Variants in MLLT3 observed in about 807,000 individuals in gnomAD.
MLLT3 encodes MLLT3 super elongation complex subunit.
A neutral mutation model predicts 53.2 loss-of-function variants in MLLT3; 4 were observed. The observed-to-expected ratio is 0.08, with a 90% CI of 0.04 to 0.17. MLLT3 has a LOEUF of 0.17. Among genes scored for constraint, MLLT3 ranks in the 10% least tolerant of loss-of-function variants. The pLI, the probability that MLLT3 is intolerant of heterozygous loss-of-function variation, is 1.00. For synonymous variants in MLLT3, 283 were observed against 230.6 expected, an observed-to-expected ratio of 1.23 and a Z score of -2.06; for missense variants, 569 against 684.0, an observed-to-expected ratio of 0.83 and a Z score of 1.87.
Position 20,448,877 on chromosome 9 carries a change from G to C in MLLT3, c.277-611C>G, listed in dbSNP as rs1176391851. ...TAAGGGCCTTCATAATCTGGCTCTT[G>C]GCTTCATATTCCACCATTCCCCTTC... On this transcript the variant is annotated intron_variant, in intron 3 of 10. Coordinates refer to ENST00000380338, the MANE Select transcript of MLLT3 (RefSeq NM_004529.4). The surrounding 1 kb of genome is among the most constrained non-coding windows in gnomAD (Gnocchi z 4.0). 6.6e-6 allele frequency among the ~76,000 whole-genome samples: 1 copy of C among 152,046 alleles called. No homozygotes were observed. Among genetic ancestry groups the C allele is most frequent in the African/African-American group, 2.4e-5 (1 of 41,382 alleles).
At chr9:20,444,711 A>C (rs1292848747) in intron 4 of MLLT3, among the ~76,000 whole-genome samples, 1 of 152,012 alleles carries the variant, frequency 6.6e-6, no homozygotes, top group African/African-American at 2.4e-5. Flanking sequence ...GTCTCTACAA[A>C]AAATACAAAA....
At chr9:20,380,733 C>T (rs1821889450) in intron 5 of MLLT3, among the ~76,000 whole-genome samples, 1 of 152,006 alleles carries the variant, frequency 6.6e-6, no homozygotes, top group African/African-American at 2.4e-5. Flanking sequence ...TTAATTTCAT[C>T]TGACTTAAAC....
At chr9:20,573,822 A>C (rs1819590197) in intron 2 of MLLT3, among the ~76,000 whole-genome samples, 1 of 152,224 alleles carries the variant, frequency 6.6e-6, no homozygotes, top group Non-Finnish European at 1.5e-5. Flanking sequence ...TATTGCATTT[A>C]ATCCTCATCA....
intron 2 of MLLT3, among the ~76,000 whole-genome samples, chr9:20,509,096 G>C (rs1454170554): frequency 6.6e-6 from 1 of 152,136 alleles, no homozygotes; most frequent in Non-Finnish European, 1.5e-5. Flanking sequence ...TATTGCATAT[G>C]ATGTATGTAC....
intron 4 of MLLT3, among the ~76,000 whole-genome samples, chr9:20,417,216 G>C (rs1312732795): frequency 2.2e-5 from 3 of 133,752 alleles, no homozygotes; most frequent in Admixed American, 7.9e-5. Flanking sequence ...TATATATGGG[G>C]GTCTTGTCAC....
At chr9:20,470,056 AG>A (rs1824342550) in intron 2 of MLLT3, among the ~76,000 whole-genome samples, 1 of 152,044 alleles carries the variant, frequency 6.6e-6, no homozygotes, top group South Asian at 2.1e-4. Flanking sequence ...AATTTTATGA[AG>A]AAAAAAACAG....
At chr9:20,451,937 A>G (rs148792958) in intron 3 of MLLT3, among the ~76,000 whole-genome samples, 1 of 152,298 alleles carries the variant, frequency 6.6e-6, no homozygotes, top group Non-Finnish European at 1.5e-5. Flanking sequence ...ACAAAATAAG[A>G]CAGCATTAAC....
intron 2 of MLLT3, among the ~76,000 whole-genome samples, chr9:20,511,617 T>C (rs966463716): frequency 7.2e-5 from 11 of 152,230 alleles, no homozygotes; most frequent in African/African-American, 2.7e-4. Context: ...CAGGATTTCA[T>C]GGCCTATGAC....
chr9:20,369,806 G>T (rs1240508021), intron 5 of MLLT3, among the ~76,000 whole-genome samples: 1 of 152,112 alleles, frequency 6.6e-6, no homozygotes, highest in African/African-American at 2.4e-5. Context: ...TTTATATGAA[G>T]ATCTTTACAG....
At chr9:20,590,517 T>C (rs1360743153) in intron 2 of MLLT3, among the ~76,000 whole-genome samples, 1 of 152,192 alleles carries the variant, frequency 6.6e-6, no homozygotes, top group African/African-American at 2.4e-5. Flanking sequence ...TTGTTCATTC[T>C]CTCGTGTTCA....
rs1820809393 is a variant in MLLT3, at chr9:20,344,249, T to C, written c.*2194A>G. The C allele has an allele frequency of 5.0e-6, 1 of 198,640 alleles. No individual in the cohort carries two copies. Among genetic ancestry groups the C allele is most frequent in the Non-Finnish European group, 1.0e-5 (1 of 96,218 alleles). 12.3% of individuals were successfully genotyped at this position (198,640 alleles called of 1,614,324 possible). On this transcript the variant is annotated 3_prime_UTR_variant, in exon 11 of 11. Transcript: ENST00000380338. ...ATTTTTACATTGGCAAATCATATTT[T>C]TTGCCCCACAATTTAGTTACAGAAA... is the stretch of plus-strand genomic sequence containing the variant.
Position 20,622,393 on chromosome 9 carries a change from T to C in MLLT3, c.-137A>G. 2.5e-6 allele frequency: 2 copies of C among 787,732 alleles called. No homozygotes were observed. 48.8% of individuals were successfully genotyped at this position (787,732 alleles called of 1,614,324 possible). On this transcript the variant is annotated 5_prime_UTR_variant, in exon 1 of 11. Coordinates refer to ENST00000380338, the MANE Select transcript of MLLT3 (RefSeq NM_004529.4). ...CGGAGGGTAGATGGCGGACATTCTC[T>C]GCCTTTTTCCCCCCGCGCTCGCTTG...
intron 2 of MLLT3, among the ~76,000 whole-genome samples, chr9:20,558,663 G>T (rs762082894): frequency 6.6e-6 from 1 of 152,180 alleles, no homozygotes; most frequent in Non-Finnish European, 1.5e-5. Flanking sequence ...GTCTGGGGTA[G>T]AGATCAAGAA....
At chr9:20,449,992 G>A (rs1823799853) in intron 3 of MLLT3, among the ~76,000 whole-genome samples, 1 of 152,170 alleles carries the variant, frequency 6.6e-6, no homozygotes, top group Non-Finnish European at 1.5e-5. Flanking sequence ...AGCTCTCACT[G>A]ACTGCCATAT....
chr9:20,454,254 T>TGC (rs1296086408), intron 3 of MLLT3, among the ~76,000 whole-genome samples: 10 of 151,960 alleles, frequency 6.6e-5, no homozygotes, highest in African/African-American at 2.4e-4. Context: ...TGTGTGTGTG[T>TGC]GCACACGCAT....
At chr9:20,565,940 A>ATATATATATATATT (rs1328335405) in intron 2 of MLLT3, among the ~76,000 whole-genome samples, 1 of 12,264 alleles carries the variant, frequency 8.2e-5, no homozygotes, top group Non-Finnish European at 1.5e-4. Flanking sequence ...ATATATATTT[A>ATATATATATATATT]TATATATATA....
chr9:20,361,659 C>T (rs867563349), intron 7 of MLLT3, among the ~76,000 whole-genome samples: 5 of 152,298 alleles, frequency 3.3e-5, no homozygotes, highest in Middle Eastern at 3.4e-3. Flanking sequence ...AGACAATCCA[C>T]ACCACCTCCT....
intron 9 of MLLT3, among the ~76,000 whole-genome samples, chr9:20,354,570 T>C (rs1415569649): frequency 6.6e-6 from 1 of 152,232 alleles, no homozygotes; most frequent in Non-Finnish European, 1.5e-5. Flanking sequence ...CTGAAATCCC[T>C]TGGCAACGTA....
chr9:20,589,434 T>TGGGGTGG (rs1197482076), intron 2 of MLLT3, among the ~76,000 whole-genome samples: 1 of 74,130 alleles, frequency 1.3e-5, no homozygotes, highest in African/African-American at 5.6e-5. Context: ...GGGACTGTTG[T>TGGGGTGG]GGGGTGGGGG....
Sources: gnomAD v4.1 joint callset for allele counts (sites outside exome capture counted in the v4.1 genomes callset) on GRCh38, gnomAD v4.1.1 for gene constraint, Gnocchi (gnomAD v3.1) non-coding constraint, MANE v1.5 for transcripts, NCBI Gene and HGNC (gene_info 2026-07-23, HGNC 2026-07-21) for gene names.